The following RPS6KA1 variants were observed in gnomAD, a reference collection of about 807,000 sequenced individuals.
RPS6KA1 encodes ribosomal protein S6 kinase A1.
RPS6KA1 carries 48 observed loss-of-function variants against 91.3 expected under a neutral mutation model. The ratio of observed to expected loss-of-function variants is 0.53; its 90% CI spans 0.42 to 0.67. The LOEUF is 0.67. Among genes scored for constraint, RPS6KA1 ranks in the 30% least tolerant of loss-of-function variants. The pLI is 0.00. For missense variants in RPS6KA1, 719 were observed against 960.5 expected (o/e 0.75, Z 3.32); for synonymous variants, 359 against 384.7 (o/e 0.93, Z 0.78).
intron 17 of RPS6KA1, among the ~76,000 whole-genome samples, chr1:26,566,345 G>A (rs1217257769): frequency 1.4e-5 from 2 of 146,218 alleles, no homozygotes; most frequent in East Asian, 4.0e-4. Flanking sequence ...GTGCAGTGGT[G>A]CGATCTCGGC....
chr1:26,565,543 T>TTTTTCTTTTC (rs57066833), intron 17 of RPS6KA1, among the ~76,000 whole-genome samples: 37,927 of 147,672 alleles, frequency 0.26, 5,676 homozygotes, highest in East Asian at 0.68. Flanking sequence ...TGAATTTATT[T>TTTTTCTTTTC]TTTTCTTTTC....
intron 2 of RPS6KA1, among the ~76,000 whole-genome samples, chr1:26,541,057 T>C (rs1019524560): frequency 3.3e-5 from 5 of 151,918 alleles, no homozygotes; most frequent in Admixed American, 1.3e-4. Context: ...CCCAAAGTGC[T>C]GGGATTACAG....
chr1:26,553,275 G>T (rs976643992), intron 6 of RPS6KA1, 116 bp from the exon 7 acceptor site: 12 of 665,972 alleles, frequency 1.8e-5, no homozygotes, highest in African/African-American at 1.4e-4. Context: ...ATGGCCTGGG[G>T]TTTCCAAGGG....
In RPS6KA1 at chr1:26,553,976, A is replaced by G. The variant is rs184612712; in HGVS notation, c.576-238A>G. The G allele has an allele frequency of 2.1e-4, 99 of 474,586 alleles. No homozygotes were observed. The East Asian group carries it at 3.1e-3, about 15-fold the overall frequency. The allele number at this position is 474,586 out of a possible 1,614,324, so 29.4% of individuals were successfully genotyped here. ...AACTGCCCTGAGCCTTAGTTTTCCCATTAGCAAAACGGGGCCCTAATAGTA... is the reference window on the plus strand; with the variant it reads ...AACTGCCCTGAGCCTTAGTTTTCCCGTTAGCAAAACGGGGCCCTAATAGTA... On this transcript the variant is annotated intron_variant, in intron 7 of 21. Transcript: ENST00000374168.
chr1:26,567,519 T>C (rs567511286), intron 17 of RPS6KA1, among the ~76,000 whole-genome samples: 1 of 152,274 alleles, frequency 6.6e-6, no homozygotes, highest in African/African-American at 2.4e-5. Flanking sequence ...TAGCTGGGAC[T>C]ACAGATGCAT....
intron 20 of RPS6KA1, 89 bp from the exon 21 acceptor site, chr1:26,573,133 AGC>A: frequency 1.5e-6 from 2 of 1,364,758 alleles, no homozygotes; most frequent in Non-Finnish European, 2.0e-6. Context: ...TTCAGGCGGG[AGC>A]TAGCAGGAGA....
At chr1:26,536,538 G>A (rs2075907982) in intron 1 of RPS6KA1, among the ~76,000 whole-genome samples, 1 of 152,218 alleles carries the variant, frequency 6.6e-6, no homozygotes, top group Non-Finnish European at 1.5e-5. Flanking sequence ...TGGGGAAACT[G>A]AGTCCTCTCA....
chr1:26,563,616 C>T (rs1362228131), intron 17 of RPS6KA1, among the ~76,000 whole-genome samples: 2 of 152,204 alleles, frequency 1.3e-5, no homozygotes, highest in Non-Finnish European at 2.9e-5. Context: ...TGTGTACACC[C>T]ATGTCGCCTC....
chr1:26,543,084 C>A, intron 2 of RPS6KA1: 1 of 1,481,962 alleles, frequency 6.7e-7, no homozygotes, highest in Non-Finnish European at 9.1e-7. Context: ...GAGACCCTGC[C>A]TTCTGGGCCA....
chr1:26,559,913 G>A (rs1464605791), intron 14 of RPS6KA1, among the ~76,000 whole-genome samples: 1 of 152,094 alleles, frequency 6.6e-6, no homozygotes, highest in African/African-American at 2.4e-5. Flanking sequence ...TGGCCAACAT[G>A]GCGAAACCCC....
At chr1:26,572,389 A>C in intron 20 of RPS6KA1, 96 bp downstream of exon 20, 2 of 796,874 alleles carry the variant, frequency 2.5e-6, no homozygotes, top group Non-Finnish European at 4.3e-6. Flanking sequence ...TCATTTCTCC[A>C]AGCGGATGTT....
rs563889449 is a variant in RPS6KA1 at position 26,573,713 on chromosome 1, G to A, written c.2085+352G>A. Among the ~76,000 whole-genome samples the A allele has an allele frequency of 7.9e-5, 12 of 152,262 alleles. No homozygotes were observed. The South Asian group carries it at 1.7e-3, about 21-fold the overall frequency. ...CCAGCACTTTGGGAGGCTGAGGTGG[G>A]TGGATCACGAGGTCAGGAGTTCAAG... is the stretch of plus-strand genomic sequence containing the variant. On this transcript the variant is annotated intron_variant, in intron 21 of 21. Transcript: ENST00000374168.
At position 26,536,878 on chromosome 1, in the gene RPS6KA1, C is replaced by T. The variant is rs199568066; in HGVS notation, c.64-47C>T. On this transcript the variant is annotated intron_variant, in intron 1 of 21. Coordinates refer to ENST00000374168, the MANE Select transcript of RPS6KA1 (RefSeq NM_002953.4). ...TGCCCCACAGAGTCTTTCTCCCAAG[C>T]GTGTAAGTTCTGACAGTGCTCCCCC... 9.2e-4 allele frequency: 1,480 copies of T among 1,604,286 alleles called. 3 individuals carry two copies. The highest frequency in any genetic ancestry group is 1.2e-3 in the Non-Finnish European group (1,373 of 1,171,236).
chr1:26,560,765 G>A lies in RPS6KA1; in HGVS notation c.1255G>A (p.Val419Met), dbSNP rs373923998. The change falls in exon 15 of 22, where the codon GTG becomes ATG. Residue 419 changes from valine to methionine, a missense_variant. Coordinates refer to ENST00000374168, the MANE Select transcript of RPS6KA1 (RefSeq NM_002953.4). ...GAACCTGGTTTTTAGTGACGGCTAC[G>A]TGGTAAAGGAGACAATTGGTGTGGG... The part of the protein sequence containing the change: ...GKNLVFSDGY[V>M]VKETIGVGSY... The A allele has an allele frequency of 2.1e-5, 34 of 1,614,090 alleles. No homozygotes were observed. Among genetic ancestry groups the A allele is most frequent in the Middle Eastern group, 1.6e-4 (1 of 6,084 alleles).
intron 17 of RPS6KA1, among the ~76,000 whole-genome samples, chr1:26,562,826 T>C (rs111774989): frequency 0.21 from 12,917 of 60,882 alleles, 965 homozygotes; most frequent in Non-Finnish European, 0.28. Context: ...CCTATTGTCC[T>C]TTTTTTTTTT....
At chr1:26,545,824 G>A (rs1212086548) in intron 2 of RPS6KA1, 3 of 1,447,148 alleles carry the variant, frequency 2.1e-6, no homozygotes, top group South Asian at 1.4e-5. Flanking sequence ...CTGCACATCC[G>A]CCTTGGTCCC....
At chr1:26,541,772 G>C (rs1007709648) in intron 2 of RPS6KA1, among the ~76,000 whole-genome samples, 3 of 152,190 alleles carry the variant, frequency 2.0e-5, no homozygotes, top group African/African-American at 7.2e-5. Flanking sequence ...GCCTGGAAGG[G>C]CCCTGCAAAT....
chr1:26,559,798 A>T (rs1054347373), intron 14 of RPS6KA1, among the ~76,000 whole-genome samples: 1 of 152,158 alleles, frequency 6.6e-6, no homozygotes, highest in Non-Finnish European at 1.5e-5. Context: ...TAATACATGT[A>T]AAGTTCATGT....
intron 1 of RPS6KA1, chr1:26,530,802 G>A (rs2075861934): frequency 1.6e-6 from 2 of 1,288,800 alleles, no homozygotes; most frequent in Middle Eastern, 2.1e-4. Flanking sequence ...GCGTGCAGAA[G>A]GCCACCTCTT....
Sources: allele counts gnomAD v4.1 joint callset (sites outside exome capture counted in the v4.1 genomes callset), GRCh38; gene constraint gnomAD v4.1.1; transcripts MANE v1.5; gene names NCBI Gene and HGNC (gene_info 2026-07-23, HGNC 2026-07-21).